Variants in DNAJC24 observed in about 807,000 individuals in gnomAD.
DNAJC24 encodes the protein DnaJ heat shock protein family (Hsp40) member C24.
Under a neutral mutation model 18.0 loss-of-function variants are expected in DNAJC24, and 17 were observed. That is an observed-to-expected ratio of 0.94 (90% CI 0.65 to 1.42). The LOEUF (loss-of-function observed/expected upper bound fraction) is 1.42, where lower values mean the gene tolerates loss of function less well. Ranked by LOEUF, DNAJC24 falls within the 40% of genes most tolerant of loss-of-function variation. The pLI, the probability that DNAJC24 is intolerant of heterozygous loss-of-function variation, is 0.00. For synonymous variants in DNAJC24, 55 were observed against 57.7 expected, an observed-to-expected ratio of 0.95 and a Z score of 0.21; for missense variants, 158 against 175.6, an observed-to-expected ratio of 0.90 and a Z score of 0.57.
intron 2 of DNAJC24, among the ~76,000 whole-genome samples, chr11:31,394,944 C>T (rs774631002): frequency 6.6e-6 from 1 of 152,126 alleles, no homozygotes; most frequent in Non-Finnish European, 1.5e-5. Context: ...TTGCATGTTA[C>T]AGGGGTTTGA....
At chr11:31,412,828 T>A (rs1273233186) in intron 2 of DNAJC24, among the ~76,000 whole-genome samples, 1 of 152,220 alleles carries the variant, frequency 6.6e-6, no homozygotes, top group East Asian at 1.9e-4. Flanking sequence ...CAGGTTCTTC[T>A]GTGTAACCAA....
chr11:31,432,531 C>G lies in DNAJC24; in HGVS notation c.*2130C>G. ...ATCAGAAAATCTGTGGCCATTAGGG[C>G]TGGCACGTAAAAATCCAAAATCACT... On this transcript the variant is annotated 3_prime_UTR_variant, in exon 5 of 5. Coordinates refer to ENST00000465995, the MANE Select transcript of DNAJC24 (RefSeq NM_181706.5). 6.2e-7 allele frequency: 1 copy of G among 1,613,068 alleles called. No homozygotes were observed. The highest frequency in any genetic ancestry group is 8.5e-7 in the Non-Finnish European group (1 of 1,179,326).
At chr11:31,375,658 C>T (rs561029303) in intron 2 of DNAJC24, among the ~76,000 whole-genome samples, 2 of 134,244 alleles carry the variant, frequency 1.5e-5, no homozygotes, top group African/African-American at 5.0e-5. Context: ...TTCATTGTTA[C>T]AGGAAGGAAG....
chr11:31,427,746 G>C (rs1442720104), intron 4 of DNAJC24: 1 of 151,800 alleles, frequency 6.6e-6, no homozygotes, highest in African/African-American at 2.4e-5. Flanking sequence ...TTTTGTTTAT[G>C]ACTGTGAAAA....
At chr11:31,390,544 A>G (rs1185483853) in intron 2 of DNAJC24, among the ~76,000 whole-genome samples, 1 of 151,726 alleles carries the variant, frequency 6.6e-6, no homozygotes, top group Non-Finnish European at 1.5e-5. Context: ...TGTCTCTACT[A>G]AAAATACAAA....
At chr11:31,398,549 A>T (rs1225933531) in intron 2 of DNAJC24, among the ~76,000 whole-genome samples, 1 of 152,234 alleles carries the variant, frequency 6.6e-6, no homozygotes, top group Non-Finnish European at 1.5e-5. Context: ...TTTATAGGAA[A>T]CAGTTTTAGC....
In DNAJC24 at chr11:31,410,031, G is replaced by A. The variant is rs373889858; in HGVS notation, c.112-4780G>A. On this transcript the variant is annotated intron_variant, in intron 2 of 4. Coordinates refer to ENST00000465995, the MANE Select transcript of DNAJC24 (RefSeq NM_181706.5). ...CCTGGGTAGCTGGGACTACTGGTGC[G>A]TGCCACCACACCTGGCTAATTTTTG... Among the ~76,000 whole-genome samples the A allele has an allele frequency of 1.5e-4, 22 of 147,726 alleles. No individual in the cohort carries two copies. In the East Asian group the frequency reaches 3.6e-3, roughly 24 times the overall value.
intron 2 of DNAJC24, among the ~76,000 whole-genome samples, chr11:31,396,919 AGTACTTTCTTGCCTT>A (rs1952547057): frequency 1.3e-5 from 2 of 152,078 alleles, no homozygotes; most frequent in South Asian, 4.2e-4. Context: ...TACCCATTTT[AGTACTTTCTTGCCTT>A]GTATTTGCTA....
intron 2 of DNAJC24, among the ~76,000 whole-genome samples, chr11:31,413,806 T>G (rs1952731643): frequency 2.0e-5 from 3 of 152,170 alleles, no homozygotes. Context: ...AATTTACATA[T>G]CTGAATATGT....
At chr11:31,416,661 A>G (rs375299992) in intron 3 of DNAJC24, 1 of 152,126 alleles carries the variant, frequency 6.6e-6, no homozygotes, top group East Asian at 1.9e-4. Flanking sequence ...GAAGTTGACT[A>G]GAAGCCTGCT....
chr11:31,418,094 C>A (rs559901443), intron 3 of DNAJC24, among the ~76,000 whole-genome samples: 1 of 152,162 alleles, frequency 6.6e-6, no homozygotes, highest in African/African-American at 2.4e-5. Context: ...AGAGATTATA[C>A]ATTTCGAAAG....
chr11:31,431,211 G>A lies in DNAJC24; in HGVS notation c.*810G>A, dbSNP rs1952919958. ...ATTTTTGTATTTTTAGTAGAGATGG[G>A]GTTCCACCATGTTGGCCAGGCTGGT... On this transcript the variant is annotated 3_prime_UTR_variant, in exon 5 of 5. Coordinates refer to ENST00000465995, the MANE Select transcript of DNAJC24 (RefSeq NM_181706.5). 6.6e-6 allele frequency: 1 copy of A among 151,790 alleles called. No individual in the cohort carries two copies. Among genetic ancestry groups the A allele is most frequent in the Non-Finnish European group, 1.5e-5 (1 of 68,064 alleles). The allele number at this position is 151,790 out of a possible 1,614,324, so 9.4% of individuals were successfully genotyped here.
intron 2 of DNAJC24, among the ~76,000 whole-genome samples, chr11:31,409,085 T>C (rs1423517781): frequency 1.3e-5 from 2 of 152,252 alleles, no homozygotes; most frequent in Non-Finnish European, 2.9e-5. Context: ...CATAAACTAG[T>C]GTGTAATTCA....
Position 31,432,655 on chromosome 11 carries a change from T to G in DNAJC24, c.*2254T>G, listed in dbSNP as rs1952948714. The G allele has an allele frequency of 1.2e-6, 1 of 869,012 alleles. No homozygotes were observed. Among genetic ancestry groups the G allele is most frequent in the Non-Finnish European group, 1.9e-6 (1 of 515,494 alleles). 53.8% of individuals were successfully genotyped at this position (869,012 alleles called of 1,614,324 possible). A position where few individuals can be genotyped will look rare whatever the true frequency, so the allele number is the denominator to read the frequency against. ...TCCCTTTTGCTATCTGTCCCTTTTC[T>G]CTATGCCAGATAAACACTTTCTCCT... On this transcript the variant is annotated 3_prime_UTR_variant, in exon 5 of 5. Coordinates refer to ENST00000465995, the MANE Select transcript of DNAJC24 (RefSeq NM_181706.5).
Position 31,370,165 on chromosome 11 carries a change from T to G in DNAJC24, c.-34+253T>G, listed in dbSNP as rs1591892157. On this transcript the variant is annotated intron_variant, in intron 1 of 4. Coordinates refer to ENST00000465995, the MANE Select transcript of DNAJC24 (RefSeq NM_181706.5). ...TCTGTCTTTGCGAGGTCTCAGCGCC[T>G]CTCCAATAACAGGGGACTCTTGTTC... Among the ~76,000 whole-genome samples the G allele has an allele frequency of 2.0e-5, 3 of 152,274 alleles. No individual in the cohort carries two copies. In the South Asian group the frequency reaches 6.2e-4, roughly 32 times the overall value.
chr11:31,402,078 AGTGCACTTAC>A (rs1288994859), intron 2 of DNAJC24, among the ~76,000 whole-genome samples: 1 of 152,200 alleles, frequency 6.6e-6, no homozygotes, highest in East Asian at 1.9e-4. Flanking sequence ...AACATCACAG[AGTGCACTTAC>A]GTAAGCCATC....
At chr11:31,411,569 A>C (rs878969158) in intron 2 of DNAJC24, among the ~76,000 whole-genome samples, 3 of 152,192 alleles carry the variant, frequency 2.0e-5, no homozygotes, top group Non-Finnish European at 4.4e-5. Context: ...GGCTGCAGGC[A>C]TTCCTTGGCT....
chr11:31,413,551 C>CTCGA (rs1188073527), intron 2 of DNAJC24, among the ~76,000 whole-genome samples: 5 of 151,906 alleles, frequency 3.3e-5, no homozygotes, highest in African/African-American at 1.2e-4. Context: ...CCAGGATGGT[C>CTCGA]TCGATCTCCT....
chr11:31,380,990 A>C (rs1182918282), intron 2 of DNAJC24, among the ~76,000 whole-genome samples: 1 of 152,186 alleles, frequency 6.6e-6, no homozygotes, highest in African/African-American at 2.4e-5. Flanking sequence ...ATTATAGCAC[A>C]TTACATAGTA....
Sources: gnomAD v4.1 joint callset for allele counts (sites outside exome capture counted in the v4.1 genomes callset) on GRCh38, gnomAD v4.1.1 for gene constraint, MANE v1.5 for transcripts, NCBI Gene and HGNC (gene_info 2026-07-23, HGNC 2026-07-21) for gene names.